The following CFAP52 variants were observed in gnomAD, a reference collection of about 807,000 sequenced individuals.
The protein encoded by CFAP52 is cilia and flagella associated protein 52.
In CFAP52, 57 loss-of-function variants were observed where a neutral mutation model predicts 70.5. The observed-to-expected ratio is 0.81, with a 90% CI of 0.65 to 1.01. The LOEUF (loss-of-function observed/expected upper bound fraction) is 1.01, where lower values mean the gene tolerates loss of function less well. Among genes scored for constraint, CFAP52 ranks in the 50% least tolerant of loss-of-function variants. The probability of loss-of-function intolerance (pLI) is 0.00; values close to 1 mark genes in which losing one functional copy is unlikely to be tolerated. For missense variants in CFAP52, 785 were observed against 788.5 expected, an observed-to-expected ratio of 1.00 and a Z score of 0.05; for synonymous variants, 267 against 292.5, an observed-to-expected ratio of 0.91 and a Z score of 0.89.
intron 13 of CFAP52, 41 bp from the exon 14 acceptor site, chr17:9,642,982 T>A: frequency 6.7e-7 from 1 of 1,501,134 alleles, no homozygotes; most frequent in Non-Finnish European, 8.9e-7. Context: ...TTTCTCTCTC[T>A]CCTATTGCAG....
At chr17:9,638,309 C>A (rs1449688505) in intron 11 of CFAP52, among the ~76,000 whole-genome samples, 1 of 152,190 alleles carries the variant, frequency 6.6e-6, no homozygotes, top group East Asian at 1.9e-4. Flanking sequence ...TCTGCTTCTT[C>A]TTCCCTGGAA....
intron 3 of CFAP52, among the ~76,000 whole-genome samples, chr17:9,587,576 G>A (rs1371449711): frequency 2.0e-5 from 3 of 152,130 alleles, no homozygotes; most frequent in African/African-American, 7.2e-5. Context: ...CTGATATGAG[G>A]TGGTTATCTC....
At chr17:9,627,264 C>T (rs1001944290) in intron 8 of CFAP52, among the ~76,000 whole-genome samples, 8 of 152,098 alleles carry the variant, frequency 5.3e-5, no homozygotes, top group African/African-American at 1.9e-4. Flanking sequence ...AATCCCAGCA[C>T]TTTGGGAGGC....
At chr17:9,616,141 C>CG in intron 8 of CFAP52, among the ~76,000 whole-genome samples, 1 of 149,498 alleles carries the variant, frequency 6.7e-6, no homozygotes, top group African/African-American at 2.5e-5. Context: ...AGTGTGTGCG[C>CG]GCACCGTGCG....
At chr17:9,583,191 A>G (rs78233327) in intron 1 of CFAP52, among the ~76,000 whole-genome samples, 1,546 of 152,268 alleles carry the variant, frequency 0.01, 25 homozygotes, top group African/African-American at 0.035. Flanking sequence ...ACTATAAAAA[A>G]TTTTTAGTAG....
intron 1 of CFAP52, among the ~76,000 whole-genome samples, chr17:9,581,645 GA>G (rs1426431378): frequency 4.6e-5 from 7 of 152,074 alleles, no homozygotes; most frequent in African/African-American, 1.7e-4. Context: ...AGAGAGCAAA[GA>G]ATATGAATTG....
At chr17:9,605,118 T>TA (rs1909433074) in intron 6 of CFAP52, among the ~76,000 whole-genome samples, 2 of 152,200 alleles carry the variant, frequency 1.3e-5, no homozygotes, top group African/African-American at 4.8e-5. Flanking sequence ...GCTGAAAACT[T>TA]ATGTTCACAC....
At chr17:9,589,801 C>CATTTTTTTTTTTTT (rs373515583) in intron 3 of CFAP52, 1 of 93,186 alleles carries the variant, frequency 1.1e-5, no homozygotes, top group South Asian at 4.0e-4. Context: ...CTTAGCTCAA[C>CATTTTTTTTTTTTT]TTTTTTTTTT....
chr17:9,640,524 C>T (rs528492179), intron 12 of CFAP52, among the ~76,000 whole-genome samples: 9 of 151,962 alleles, frequency 5.9e-5, no homozygotes, highest in African/African-American at 2.2e-4. Context: ...CGTTAGTTTG[C>T]TGAGGATAAT....
Position 9,636,253 on chromosome 17 carries a change from G to GAAAGAAAGAAAGAA in CFAP52, c.1472+704_1472+705insGAAAGAAAAAGAAA, listed in dbSNP as rs1567637277. 6.8e-4 allele frequency among the ~76,000 whole-genome samples: 73 copies of GAAAGAAAGAAAGAA among 107,680 alleles called. 5 individuals carry two copies. The highest frequency in any genetic ancestry group is 3.3e-3 in the East Asian group (8 of 2,410). The allele number at this position is 107,680 out of a possible 152,430, so 70.6% of individuals were successfully genotyped here. A position where few individuals can be genotyped will look rare whatever the true frequency, so the allele number is the denominator to read the frequency against. On this transcript the variant is annotated intron_variant, in intron 11 of 13. Coordinates refer to ENST00000352665, the MANE Select transcript of CFAP52 (RefSeq NM_145054.5). ...AAAGAAAGAAAGAAAGAAAGAAAGA[G>GAAAGAAAGAAAGAA]AAAGAAAAATAACTAATGCAGGCAG...
At position 9,635,682 on chromosome 17, in the gene CFAP52, G is replaced by GAT. The variant is rs150616545; in HGVS notation, c.1472+127_1472+128dup. On this transcript the variant is annotated intron_variant, in intron 11 of 13. Coordinates refer to ENST00000352665, the MANE Select transcript of CFAP52 (RefSeq NM_145054.5). Reference sequence around the variant, plus strand: ...CTTATTTAAGGCAACACAGTAAAGGGATGTTCATCAGAAGCCGTTCATGAC... The same window carrying GAT: ...CTTATTTAAGGCAACACAGTAAAGGGATATGTTCATCAGAAGCCGTTCATGAC... 2.2e-3 allele frequency: 2,788 copies of GAT among 1,255,824 alleles called. 58 individuals are homozygous for GAT. In the African/African-American group the frequency reaches 0.038, roughly 17 times the overall value. 77.8% of individuals were successfully genotyped at this position (1,255,824 alleles called of 1,614,324 possible).
intron 6 of CFAP52, among the ~76,000 whole-genome samples, chr17:9,605,612 C>T (rs1474559238): frequency 7.0e-6 from 1 of 141,910 alleles, no homozygotes; most frequent in African/African-American, 2.6e-5. Flanking sequence ...AGGAGAATTG[C>T]TTCAACTCAG....
intron 9 of CFAP52, among the ~76,000 whole-genome samples, chr17:9,632,088 C>CT (rs1422339343): frequency 2.2e-5 from 3 of 137,904 alleles, no homozygotes; most frequent in Non-Finnish European, 3.1e-5. Flanking sequence ...TTTTTTTTTT[C>CT]TTTTTTTGAG....
intron 1 of CFAP52, among the ~76,000 whole-genome samples, chr17:9,578,981 T>A (rs1457036500): frequency 6.6e-6 from 1 of 151,860 alleles, no homozygotes; most frequent in Non-Finnish European, 1.5e-5. Context: ...AGAGAGGGGG[T>A]ATAATGAGGC....
intron 8 of CFAP52, among the ~76,000 whole-genome samples, chr17:9,615,030 C>T (rs958578719): frequency 6.6e-6 from 1 of 152,096 alleles, no homozygotes; most frequent in Non-Finnish European, 1.5e-5. Flanking sequence ...AGGACTTCGC[C>T]TTTTAATAAG....
chr17:9,614,016 A>T (rs1014310305), intron 8 of CFAP52, among the ~76,000 whole-genome samples: 2 of 152,014 alleles, frequency 1.3e-5, no homozygotes, highest in Admixed American at 6.6e-5. Context: ...AGTAGAATTA[A>T]TCTGCAAAAC....
chr17:9,590,213 C>A, intron 3 of CFAP52: 1 of 180,816 alleles, frequency 5.5e-6, no homozygotes, highest in Non-Finnish European at 1.2e-5. Context: ...ATCCAGGTTA[C>A]TTTCTCTGGC....
chr17:9,604,769 A>G (rs1909414887), intron 6 of CFAP52, among the ~76,000 whole-genome samples: 1 of 149,592 alleles, frequency 6.7e-6, no homozygotes, highest in Non-Finnish European at 1.5e-5. Flanking sequence ...AAATAAATAA[A>G]TAAATAAATA....
At chr17:9,605,257 C>T (rs1480972693) in intron 6 of CFAP52, among the ~76,000 whole-genome samples, 1 of 151,986 alleles carries the variant, frequency 6.6e-6, no homozygotes, top group Non-Finnish European at 1.5e-5. Context: ...GCATATTAAT[C>T]AGTACTAAAA....
Sources: gnomAD v4.1 joint callset for allele counts (sites outside exome capture counted in the v4.1 genomes callset) on GRCh38, gnomAD v4.1.1 for gene constraint, MANE v1.5 for transcripts, NCBI Gene and HGNC (gene_info 2026-07-23, HGNC 2026-07-21) for gene names.